TF: variants seen among roughly 807,000 people sequenced by gnomAD.
TF encodes the protein serotransferrin.
TF carries 55 observed loss-of-function variants against 82.4 expected under a neutral mutation model. That is an observed-to-expected ratio of 0.67 (90% CI 0.54 to 0.84). The LOEUF (loss-of-function observed/expected upper bound fraction) is 0.84, where lower values mean the gene tolerates loss of function less well. Ranked by LOEUF, TF falls within the 40% of genes least tolerant of loss-of-function variation. The pLI is 0.00. For missense variants in TF, 737 were observed against 868.4 expected, an observed-to-expected ratio of 0.85 and a Z score of 1.90; for synonymous variants, 332 against 332.6, an observed-to-expected ratio of 1.00 and a Z score of 0.02.
chr3:133,732,469 C>A, the TF span, among the ~76,000 whole-genome samples: 620 of 152,206 alleles, frequency 4.1e-3, 2 homozygotes, highest in Non-Finnish European at 5.4e-3. Flanking sequence ...GTGGGTGGGG[C>A]CAAATAAGGG....
At chr3:133,753,015 G>A (rs1158614600) in intron 2 of TF, among the ~76,000 whole-genome samples, 1 of 152,180 alleles carries the variant, frequency 6.6e-6, no homozygotes, top group Admixed American at 6.5e-5. Flanking sequence ...TGAGTACTGA[G>A]TCAGAGTGAA....
the TF span, among the ~76,000 whole-genome samples, chr3:133,686,588 A>G: frequency 6.6e-6 from 1 of 152,254 alleles, no homozygotes. Context: ...GCCAACAGAC[A>G]CATGAAAAAA....
the TF span, among the ~76,000 whole-genome samples, chr3:133,678,846 G>C: frequency 1.4e-5 from 2 of 143,374 alleles, no homozygotes; most frequent in Non-Finnish European, 3.0e-5. Context: ...CTTTGGCCCA[G>C]CTATTTTTTG....
intron 10 of TF, 68 bp downstream of exon 10, chr3:133,764,343 T>A: frequency 7.5e-7 from 1 of 1,335,926 alleles, no homozygotes; most frequent in Non-Finnish European, 1.1e-6. Flanking sequence ...GATGGAAAAA[T>A]CACAGTCTGA....
the TF span, among the ~76,000 whole-genome samples, chr3:133,731,035 T>A: frequency 6.6e-6 from 1 of 152,266 alleles, no homozygotes; most frequent in African/African-American, 2.4e-5. Context: ...TTGACACCAA[T>A]TATTTGCAAA....
rs1934504492 is a variant in TF, at chr3:133,781,000, A to C, written c.*2380A>C. 1 of 151,242 alleles carries C rather than the reference A, an allele frequency of 6.6e-6. No homozygotes were observed. Among genetic ancestry groups the C allele is most frequent in the Non-Finnish European group, 1.5e-5 (1 of 67,878 alleles). The allele number at this position is 151,242 out of a possible 1,614,324, so 9.4% of individuals were successfully genotyped here. A position where few individuals can be genotyped will look rare whatever the true frequency, so the allele number is the denominator to read the frequency against. On this transcript the variant is annotated 3_prime_UTR_variant, in exon 17 of 17. Transcript: ENST00000402696. ...AGCACTCCAGCCTAGTGACAGAGCAAGACTCTGTCTGGAAAATAATAAAAA... is the reference window on the plus strand; with the variant it reads ...AGCACTCCAGCCTAGTGACAGAGCACGACTCTGTCTGGAAAATAATAAAAA...
At chr3:133,714,448 A>C in the TF span, among the ~76,000 whole-genome samples, 1 of 152,134 alleles carries the variant, frequency 6.6e-6, no homozygotes, top group South Asian at 2.1e-4. Context: ...TAAGCCATGC[A>C]TAAATTACAT....
At chr3:133,725,193 A>G in the TF span, among the ~76,000 whole-genome samples, 1 of 151,970 alleles carries the variant, frequency 6.6e-6, no homozygotes, top group South Asian at 2.1e-4. Context: ...TTCTGTGAAG[A>G]AAGTCATTGG....
the TF span, among the ~76,000 whole-genome samples, chr3:133,673,030 A>G: frequency 6.6e-6 from 1 of 152,240 alleles, no homozygotes; most frequent in African/African-American, 2.4e-5. Context: ...AAAATTTTGC[A>G]TAATGGAGAA....
At chr3:133,742,570 T>C (rs1481395424), upstream of TF, among the ~76,000 whole-genome samples, 4 of 152,110 alleles carry the variant, frequency 2.6e-5, no homozygotes, top group Non-Finnish European at 5.9e-5. Context: ...CCCCTAGCCA[T>C]ACAGCCCGAC....
intron 6 of TF, 77 bp downstream of exon 6, chr3:133,756,414 C>G (rs1933831817): frequency 2.0e-6 from 3 of 1,464,034 alleles, no homozygotes; most frequent in Non-Finnish European, 2.8e-6. Context: ...TTTTCATGCT[C>G]AGTAATTGGA....
At chr3:133,718,521 T>C in the TF span, among the ~76,000 whole-genome samples, 1 of 152,046 alleles carries the variant, frequency 6.6e-6, no homozygotes, top group Non-Finnish European at 1.5e-5. Context: ...GGTAGGGGGA[T>C]GTGGAGAGGC....
At chr3:133,740,109 T>G in the TF span, among the ~76,000 whole-genome samples, 1 of 152,158 alleles carries the variant, frequency 6.6e-6, no homozygotes, top group African/African-American at 2.4e-5. Context: ...ATAGACTGGA[T>G]AAATAACATG....
chr3:133,690,957 C>T, the TF span, among the ~76,000 whole-genome samples: 2 of 152,070 alleles, frequency 1.3e-5, no homozygotes, highest in Non-Finnish European at 2.9e-5. Flanking sequence ...GTTTCTGATG[C>T]ATGCATTTAA....
the TF span, among the ~76,000 whole-genome samples, chr3:133,702,353 T>C: frequency 6.6e-6 from 1 of 152,000 alleles, no homozygotes; most frequent in Non-Finnish European, 1.5e-5. Context: ...TCCCAGGAAG[T>C]AGGGTGACAT....
Position 133,787,125 on chromosome 3 carries a change from T to TA in TF, c.*8506dup, listed in dbSNP as rs1464925104. On this transcript the variant is annotated 3_prime_UTR_variant, in exon 17 of 17. Transcript: ENST00000402696. The stretch of plus-strand genomic sequence containing the variant: ...GTTTTGTGCATTTTGTTTTGCTGTG[T>TA]ATGTAGAGTACATAATGGACAAATG... 6.6e-6 allele frequency: 1 copy of TA among 152,254 alleles called. No homozygotes were observed. The highest frequency in any genetic ancestry group is 1.5e-5 in the Non-Finnish European group (1 of 68,036). The allele number at this position is 152,254 out of a possible 1,614,324, so 9.4% of individuals were successfully genotyped here. A position where few individuals can be genotyped will look rare whatever the true frequency, so the allele number is the denominator to read the frequency against.
At chr3:133,769,666 T>C (rs533380469) in intron 13 of TF, among the ~76,000 whole-genome samples, 12 of 152,326 alleles carry the variant, frequency 7.9e-5, no homozygotes, top group Non-Finnish European at 1.5e-4. Flanking sequence ...CAGGTTCTTT[T>C]CCTTGAAGCA....
chr3:133,768,289 T>C lies in TF; in HGVS notation c.1622+125T>C, dbSNP rs1321413452. 6 of 1,345,692 alleles carry C rather than the reference T, an allele frequency of 4.5e-6. No individual in the cohort carries two copies. The African/African-American group carries it at 5.9e-5, about 13-fold the overall frequency. 83.4% of individuals were successfully genotyped at this position (1,345,692 alleles called of 1,614,324 possible). A position where few individuals can be genotyped will look rare whatever the true frequency, so the allele number is the denominator to read the frequency against. On this transcript the variant is annotated intron_variant, in intron 13 of 16. Coordinates refer to ENST00000402696, the MANE Select transcript of TF (RefSeq NM_001063.4). ...TGCGGCATGTATTAAGAGAGTATAT[T>C]TCACAACCAGATATAGAGCCACATG...
chr3:133,672,646 G>T, the TF span, among the ~76,000 whole-genome samples: 1 of 151,472 alleles, frequency 6.6e-6, no homozygotes, highest in Non-Finnish European at 1.5e-5. Flanking sequence ...AGGATCACTT[G>T]AGCCTAGGAG....
Sources: gnomAD v4.1 joint callset for allele counts (sites outside exome capture counted in the v4.1 genomes callset) on GRCh38, gnomAD v4.1.1 for gene constraint, MANE v1.5 for transcripts, NCBI Gene and HGNC (gene_info 2026-07-23, HGNC 2026-07-21) for gene names.